MAD1L1: variants seen among roughly 807,000 people sequenced by gnomAD.
The protein encoded by MAD1L1 is mitotic spindle assembly checkpoint protein MAD1.
MAD1L1 carries 95 observed loss-of-function variants against 96.9 expected under a neutral mutation model. That is an observed-to-expected ratio of 0.98 (90% confidence interval 0.83 to 1.16). MAD1L1 has a LOEUF of 1.16. MAD1L1 is among the 50% of genes most tolerant of loss of function. The pLI is 0.00. For missense variants in MAD1L1, 1,007 were observed against 954.4 expected (o/e 1.06, Z -0.73); for synonymous variants, 473 against 396.6 (o/e 1.19, Z -2.29).
intron 12 of MAD1L1, among the ~76,000 whole-genome samples, chr7:2,048,910 C>G (rs760764304): frequency 6.6e-6 from 1 of 152,190 alleles, no homozygotes; most frequent in African/African-American, 2.4e-5. Flanking sequence ...AGCCACTGAC[C>G]GCGTCAACCA....
At chr7:1,918,122 G>A (rs1788533224) in intron 17 of MAD1L1, among the ~76,000 whole-genome samples, 4 of 152,164 alleles carry the variant, frequency 2.6e-5, no homozygotes, top group African/African-American at 9.7e-5. Context: ...CCCGGACCGT[G>A]CTCCACTCTG....
chr7:1,925,098 T>C (rs1161350739), intron 17 of MAD1L1, among the ~76,000 whole-genome samples: 4 of 152,084 alleles, frequency 2.6e-5, no homozygotes, highest in African/African-American at 9.7e-5. Flanking sequence ...TAAATCCAAA[T>C]GCATAAAAAA....
At chr7:1,923,767 A>G (rs1788938437) in intron 17 of MAD1L1, among the ~76,000 whole-genome samples, 1 of 152,258 alleles carries the variant, frequency 6.6e-6, no homozygotes, top group Non-Finnish European at 1.5e-5. Flanking sequence ...GGGTGCTCAG[A>G]GTGGCTCTGG....
At chr7:1,864,335 C>A (rs1784672322) in intron 18 of MAD1L1, among the ~76,000 whole-genome samples, 1 of 152,202 alleles carries the variant, frequency 6.6e-6, no homozygotes, top group Non-Finnish European at 1.5e-5. Context: ...AGACCCGGGG[C>A]CCCTTTCCTG....
chr7:2,081,236 A>G (rs1785629161), intron 11 of MAD1L1, among the ~76,000 whole-genome samples: 1 of 152,106 alleles, frequency 6.6e-6, no homozygotes, highest in Non-Finnish European at 1.5e-5. Context: ...GGTGGTGGAA[A>G]GCGGCCTGTG....
intron 11 of MAD1L1, among the ~76,000 whole-genome samples, chr7:2,138,662 C>A (rs7800659): frequency 6.6e-6 from 1 of 151,982 alleles, no homozygotes; most frequent in Admixed American, 6.5e-5. Context: ...GAACCCCAGG[C>A]CCAGGGGCCA....
intron 11 of MAD1L1, among the ~76,000 whole-genome samples, chr7:2,112,990 C>T (rs1156883288): frequency 1.3e-5 from 2 of 152,194 alleles, no homozygotes; most frequent in African/African-American, 4.8e-5. Context: ...CACTGGGTCA[C>T]GGCCGTGAAG....
intron 10 of MAD1L1, among the ~76,000 whole-genome samples, chr7:2,171,975 G>T (rs142968033): frequency 6.6e-6 from 1 of 152,160 alleles, no homozygotes; most frequent in Non-Finnish European, 1.5e-5. Flanking sequence ...AAGTCTGATG[G>T]GAAGAGCACA....
chr7:1,900,443 G>A (rs888389205), intron 17 of MAD1L1, among the ~76,000 whole-genome samples: 10 of 152,174 alleles, frequency 6.6e-5, no homozygotes, highest in African/African-American at 1.2e-4. Flanking sequence ...TCCTCCCTCC[G>A]TTGCTGGCAA....
intron 18 of MAD1L1, among the ~76,000 whole-genome samples, chr7:1,851,168 G>A (rs1783954640): frequency 6.6e-6 from 1 of 152,214 alleles, no homozygotes. Context: ...CGGCAACCCT[G>A]TGGGGTGACC....
At chr7:1,889,059 G>A (rs1383468860) in intron 18 of MAD1L1, among the ~76,000 whole-genome samples, 1 of 152,220 alleles carries the variant, frequency 6.6e-6, no homozygotes, top group African/African-American at 2.4e-5. Context: ...TCCCCAACGT[G>A]CCTGGCACTT....
intron 15 of MAD1L1, among the ~76,000 whole-genome samples, chr7:1,967,621 G>A (rs1156503020): frequency 2.0e-5 from 3 of 152,232 alleles, no homozygotes; most frequent in Non-Finnish European, 4.4e-5. Context: ...GCTGCCAAGA[G>A]AAGGCTCCGG....
At chr7:2,215,415 T>C (rs992802244) in intron 9 of MAD1L1, among the ~76,000 whole-genome samples, 3 of 151,462 alleles carry the variant, frequency 2.0e-5, no homozygotes, top group Admixed American at 2.0e-4. Context: ...TGTAATATTT[T>C]ATAGTACTTT....
In MAD1L1 at chr7:2,103,971, C is replaced by T. The variant is rs191859334; in HGVS notation, c.1074-34633G>A. 4.3e-3 allele frequency among the ~76,000 whole-genome samples: 659 copies of T among 152,356 alleles called. 6 individuals are homozygous for T. Among genetic ancestry groups the T allele is most frequent in the African/African-American group, 0.015 (629 of 41,586 alleles). On this transcript the variant is annotated intron_variant, in intron 11 of 18. Coordinates refer to ENST00000265854, the MANE Select transcript of MAD1L1 (RefSeq NM_001013836.2). The surrounding 1 kb of genome is among the most constrained non-coding windows in gnomAD (Gnocchi z 4.3). ...GACACATGGCAGAGAATCAAATATGCAGCCGGTGTCTGGAAATCATTCAAT... is the reference window on the plus strand; with the variant it reads ...GACACATGGCAGAGAATCAAATATGTAGCCGGTGTCTGGAAATCATTCAAT...
At chr7:2,068,065 AGCAGG>A (rs1426253409) in intron 12 of MAD1L1, among the ~76,000 whole-genome samples, 1 of 152,274 alleles carries the variant, frequency 6.6e-6, no homozygotes, top group Non-Finnish European at 1.5e-5. Flanking sequence ...CTGACCATGC[AGCAGG>A]GCTGGGTGTC....
At chr7:1,877,515 AAAAG>A (rs1390435721) in intron 18 of MAD1L1, among the ~76,000 whole-genome samples, 1 of 151,960 alleles carries the variant, frequency 6.6e-6, no homozygotes, top group East Asian at 1.9e-4. Context: ...ATACGAGACA[AAAAG>A]AAAACAAATG....
chr7:1,860,349 C>T (rs13312323), intron 18 of MAD1L1, among the ~76,000 whole-genome samples: 1 of 65,240 alleles, frequency 1.5e-5, no homozygotes, highest in African/African-American at 4.7e-5. Context: ...ATGTGACATC[C>T]TGCGGGGCGG....
chr7:1,838,179 G>A (rs1477749310), intron 18 of MAD1L1, among the ~76,000 whole-genome samples: 1 of 152,224 alleles, frequency 6.6e-6, no homozygotes, highest in African/African-American at 2.4e-5. Flanking sequence ...CTCTAACCCA[G>A]CGGCACCCGC....
intron 18 of MAD1L1, among the ~76,000 whole-genome samples, chr7:1,863,640 C>A (rs1784637604): frequency 6.6e-6 from 1 of 152,244 alleles, no homozygotes. Context: ...ACGCGCTGGG[C>A]TCAGCCTGTG....
Sources: gnomAD v4.1 joint callset for allele counts (sites outside exome capture counted in the v4.1 genomes callset) on GRCh38, gnomAD v4.1.1 for gene constraint, Gnocchi (gnomAD v3.1) non-coding constraint, MANE v1.5 for transcripts, NCBI Gene and HGNC (gene_info 2026-07-23, HGNC 2026-07-21) for gene names.